The following CMSS1 variants were observed in gnomAD, a reference collection of about 807,000 sequenced individuals.
CMSS1 encodes the protein cms1 ribosomal small subunit homolog, also known as protein CMSS1.
CMSS1 carries 33 observed loss-of-function variants against 43.5 expected under a neutral mutation model. The ratio of observed to expected loss-of-function variants is 0.76; its 90% CI spans 0.57 to 1.01. The LOEUF (loss-of-function observed/expected upper bound fraction) is 1.01. CMSS1 is among the 50% of genes least tolerant of loss of function. CMSS1 has a pLI of 0.00. For synonymous variants in CMSS1, 115 were observed against 117.2 expected (o/e 0.98, Z 0.12); for missense variants, 313 against 326.4 (o/e 0.96, Z 0.32).
At chr3:99,931,086 GTAC>G (rs1707468093) in intron 1 of CMSS1, 2 of 1,438,224 alleles carry the variant, frequency 1.4e-6, no homozygotes, top group African/African-American at 1.4e-5. Context: ...TTTAATAAGA[GTAC>G]CTATTACTGC....
At chr3:100,172,180 T>C (rs2067115647) in intron 7 of CMSS1, 136 bp from the exon 8 acceptor site, 1 of 748,736 alleles carries the variant, frequency 1.3e-6, no homozygotes, top group Non-Finnish European at 2.2e-6. Flanking sequence ...ATCTCTGCCC[T>C]GGAAGTCGAC....
At chr3:100,036,487 A>C (rs957020753) in intron 1 of CMSS1, among the ~76,000 whole-genome samples, 2 of 152,242 alleles carry the variant, frequency 1.3e-5, no homozygotes, top group Non-Finnish European at 2.9e-5. Context: ...CCATTGAATA[A>C]AATAAGAATT....
At chr3:100,155,314 C>T (rs2107522327) in intron 2 of CMSS1, among the ~76,000 whole-genome samples, 1 of 152,288 alleles carries the variant, frequency 6.6e-6, no homozygotes, top group Middle Eastern at 3.4e-3. Context: ...TCCCTCCTTT[C>T]TTATACAGCT....
chr3:100,174,528 T>A (rs971006611), intron 8 of CMSS1, among the ~76,000 whole-genome samples: 4 of 152,146 alleles, frequency 2.6e-5, no homozygotes, highest in Admixed American at 2.6e-4. Context: ...GGGCGATTTT[T>A]AAAAAAATAT....
chr3:100,046,709 A>C (rs2065284585), intron 1 of CMSS1, among the ~76,000 whole-genome samples: 2 of 152,236 alleles, frequency 1.3e-5, no homozygotes. Flanking sequence ...CAGCGCTGAC[A>C]GAAGTGAGAA....
At chr3:99,946,602 T>C (rs993866465) in intron 1 of CMSS1, among the ~76,000 whole-genome samples, 21 of 152,232 alleles carry the variant, frequency 1.4e-4, no homozygotes, top group Non-Finnish European at 2.8e-4. Flanking sequence ...TGATGCCATT[T>C]TTTTTAGTGT....
intron 1 of CMSS1, among the ~76,000 whole-genome samples, chr3:100,117,848 T>TACAC (rs1410455445): frequency 3.3e-5 from 3 of 91,498 alleles, no homozygotes; most frequent in African/African-American, 4.8e-5. Flanking sequence ...TATATATATA[T>TACAC]ATATACATAT....
At chr3:100,061,907 TTAAC>T (rs1475901506) in intron 1 of CMSS1, among the ~76,000 whole-genome samples, 1 of 152,150 alleles carries the variant, frequency 6.6e-6, no homozygotes, top group Admixed American at 6.6e-5. Flanking sequence ...ATCTGTCATT[TTAAC>T]TATTGCTAAC....
At chr3:99,888,083 G>A (rs370672018) in intron 1 of CMSS1, among the ~76,000 whole-genome samples, 51 of 152,108 alleles carry the variant, frequency 3.4e-4, no homozygotes, top group African/African-American at 1.2e-3. Context: ...TACTATCTTC[G>A]GACAATTGGT....
chr3:99,851,749 A>C (rs1306005069), intron 1 of CMSS1, among the ~76,000 whole-genome samples: 1 of 152,232 alleles, frequency 6.6e-6, no homozygotes, highest in African/African-American at 2.4e-5. Flanking sequence ...CATTGCTTAG[A>C]AGTTATGCAC....
At chr3:99,835,725 G>C (rs1192868635) in intron 1 of CMSS1, among the ~76,000 whole-genome samples, 1 of 152,176 alleles carries the variant, frequency 6.6e-6, no homozygotes, top group East Asian at 1.9e-4. Flanking sequence ...TCTTGCTTTT[G>C]AGATGATAGC....
At chr3:100,109,974 A>G (rs1350704716) in intron 1 of CMSS1, 1 of 135,970 alleles carries the variant, frequency 7.4e-6, no homozygotes, top group Admixed American at 8.4e-5. Flanking sequence ...CCACCCTTCA[A>G]ACTGTTGGCA....
At chr3:99,924,268 A>T (rs754936212) in intron 1 of CMSS1, 1 of 1,613,332 alleles carries the variant, frequency 6.2e-7, no homozygotes, top group Non-Finnish European at 8.5e-7. Flanking sequence ...TGAATTCATC[A>T]CTCTTCTCCA....
At chr3:100,103,353 A>T (rs1458178660) in intron 1 of CMSS1, among the ~76,000 whole-genome samples, 1 of 152,230 alleles carries the variant, frequency 6.6e-6, no homozygotes, top group East Asian at 1.9e-4. Context: ...AAGCTGCTCC[A>T]TTCTGAAGGT....
intron 1 of CMSS1, among the ~76,000 whole-genome samples, chr3:100,109,559 T>C (rs2066453730): frequency 6.6e-6 from 1 of 152,124 alleles, no homozygotes; most frequent in Non-Finnish European, 1.5e-5. Flanking sequence ...TTTCCCACAA[T>C]GTTGTATAAA....
At chr3:100,027,859 A>C (rs1431178501) in intron 1 of CMSS1, among the ~76,000 whole-genome samples, 1 of 152,182 alleles carries the variant, frequency 6.6e-6, no homozygotes, top group Admixed American at 6.5e-5. Flanking sequence ...ATGCTTAGGA[A>C]GAGAACAAGT....
At chr3:100,017,015 G>A (rs970874148) in intron 1 of CMSS1, among the ~76,000 whole-genome samples, 5 of 152,024 alleles carry the variant, frequency 3.3e-5, no homozygotes, top group Non-Finnish European at 7.4e-5. Flanking sequence ...TCTTTAAATG[G>A]GTTTTTGTTA....
rs538097196 is a variant in CMSS1, at chr3:100,047,241, T to G, written c.65-99732T>G. Among the ~76,000 whole-genome samples the G allele has an allele frequency of 2.0e-5, 3 of 152,366 alleles. No individual in the cohort carries two copies. In the East Asian group the frequency reaches 5.8e-4, roughly 29 times the overall value. ...ATCGGAGGGAAGTGTTGTTATTTTCTTCTTTTGAGAACAATATATCTTTAA... is the reference window on the plus strand; with the variant it reads ...ATCGGAGGGAAGTGTTGTTATTTTCGTCTTTTGAGAACAATATATCTTTAA... On this transcript the variant is annotated intron_variant, in intron 1 of 9. Coordinates refer to ENST00000421999, the MANE Select transcript of CMSS1 (RefSeq NM_032359.4).
At chr3:99,973,690 G>A (rs1708888443) in intron 1 of CMSS1, among the ~76,000 whole-genome samples, 1 of 152,158 alleles carries the variant, frequency 6.6e-6, no homozygotes, top group South Asian at 2.1e-4. Context: ...CTTCAAACTT[G>A]ATGAAAAATA....
Sources: gnomAD v4.1 joint callset for allele counts (sites outside exome capture counted in the v4.1 genomes callset) on GRCh38, gnomAD v4.1.1 for gene constraint, MANE v1.5 for transcripts, NCBI Gene and HGNC (gene_info 2026-07-23, HGNC 2026-07-21) for gene names.